SLC5A5: variants seen among roughly 807,000 people sequenced by gnomAD.
SLC5A5 encodes solute carrier family 5 member 5, also known as sodium/iodide cotransporter.
A neutral mutation model predicts 68.6 loss-of-function variants in SLC5A5; 56 were observed. The ratio of observed to expected loss-of-function variants is 0.82; its 90% confidence interval spans 0.66 to 1.02. The LOEUF (loss-of-function observed/expected upper bound fraction) is 1.02. Among genes scored for constraint, SLC5A5 ranks in the 50% least tolerant of loss-of-function variants. SLC5A5 has a pLI of 0.00. For synonymous variants in SLC5A5, 398 were observed against 373.0 expected, an observed-to-expected ratio of 1.07 and a Z score of -0.77; for missense variants, 807 against 859.8, an observed-to-expected ratio of 0.94 and a Z score of 0.77.
intron 4 of SLC5A5, 41 bp from the exon 5 acceptor site, chr19:17,875,911 C>T: frequency 6.2e-7 from 1 of 1,612,618 alleles, no homozygotes; most frequent in Non-Finnish European, 8.5e-7. Context: ...CCAGGTCCCC[C>T]ATCTAACCGC....
At chr19:17,880,532 C>T (rs200711674) in intron 7 of SLC5A5, among the ~76,000 whole-genome samples, 1 of 151,968 alleles carries the variant, frequency 6.6e-6, no homozygotes, top group South Asian at 2.1e-4. Context: ...TATCTTTACA[C>T]AAAAATTTAA....
At chr19:17,885,708 GA>G (rs2094331670) in intron 12 of SLC5A5, among the ~76,000 whole-genome samples, 1 of 151,974 alleles carries the variant, frequency 6.6e-6, no homozygotes, top group South Asian at 2.1e-4. Context: ...ACCCCAGAAA[GA>G]AGCCCTGTCC....
intron 7 of SLC5A5, among the ~76,000 whole-genome samples, chr19:17,878,431 G>A (rs2094312749): frequency 6.6e-6 from 1 of 152,032 alleles, no homozygotes; most frequent in Admixed American, 6.6e-5. Context: ...CTTGAACCCG[G>A]GAGGCGGAGG....
In SLC5A5 at chr19:17,877,946, G is replaced by A; in HGVS notation, c.840-18G>A. 1 of 1,613,720 alleles carries A rather than the reference G, an allele frequency of 6.2e-7. No individual in the cohort carries two copies. Among genetic ancestry groups the A allele is most frequent in the South Asian group, 1.1e-5 (1 of 91,086 alleles). Reference sequence around the variant, plus strand: ...GCCTGAGGCTATCCCCTAAGCCTGAGGCTGCCTCTTCCCCCAGGGCCCTGC... The same window carrying A: ...GCCTGAGGCTATCCCCTAAGCCTGAAGCTGCCTCTTCCCCCAGGGCCCTGC... On this transcript the variant is annotated intron_variant, in intron 6 of 14. Coordinates refer to ENST00000222248, the MANE Select transcript of SLC5A5 (RefSeq NM_000453.3).
At chr19:17,873,340 A>G (rs1278411462) in intron 1 of SLC5A5, among the ~76,000 whole-genome samples, 1 of 151,980 alleles carries the variant, frequency 6.6e-6, no homozygotes, top group Non-Finnish European at 1.5e-5. Flanking sequence ...GGGCACCTGT[A>G]ATCCCAGCTA....
At chr19:17,877,907 G>T in intron 6 of SLC5A5, 44 bp downstream of exon 6, 1 of 1,613,874 alleles carries the variant, frequency 6.2e-7, no homozygotes, top group South Asian at 1.1e-5. Context: ...GGGACATGCT[G>T]CCCCCCTCCA....
At chr19:17,891,380 GT>G (rs1441304268) in intron 14 of SLC5A5, among the ~76,000 whole-genome samples, 2 of 151,760 alleles carry the variant, frequency 1.3e-5, no homozygotes, top group African/African-American at 4.8e-5. Flanking sequence ...TAATTTTTAT[GT>G]TTTTAGTAGA....
In SLC5A5 at chr19:17,881,999, T is replaced by C. The variant is rs746747224; in HGVS notation, c.1098T>C (p.Thr366=). 5 of 1,614,074 alleles carry C rather than the reference T, an allele frequency of 3.1e-6. No individual in the cohort carries two copies. Among genetic ancestry groups the C allele is most frequent in the Non-Finnish European group, 3.4e-6 (4 of 1,180,038 alleles). The change falls in exon 9 of 15, where the codon ACT becomes ACC. Residue 366 remains threonine (T), a synonymous_variant. Coordinates refer to ENST00000222248, the MANE Select transcript of SLC5A5 (RefSeq NM_000453.3). ...GCATCAATGCTATGGCTGCAGTCACTGTAGAAGACCTCATCAAACCTCGGC... is the reference window on the plus strand; with the variant it reads ...GCATCAATGCTATGGCTGCAGTCACCGTAGAAGACCTCATCAAACCTCGGC... ...STSINAMAAV[T]VEDLIKPRLR...
intron 8 of SLC5A5, 141 bp downstream of exon 8, chr19:17,881,094 C>G (rs1229832588): frequency 8.2e-6 from 6 of 730,742 alleles, no homozygotes; most frequent in Non-Finnish European, 2.5e-6. Context: ...GAAGACAGCT[C>G]AGGTAGGCGC....
chr19:17,882,691 T>A (rs1249199672), intron 10 of SLC5A5, among the ~76,000 whole-genome samples: 1 of 151,162 alleles, frequency 6.6e-6, no homozygotes, highest in Non-Finnish European at 1.5e-5. Context: ...ATTTTTGTAT[T>A]TTTTTTTCTT....
At chr19:17,888,215 G>A (rs905335547) in intron 12 of SLC5A5, 116 bp from the exon 13 acceptor site, 28 of 1,255,196 alleles carry the variant, frequency 2.2e-5, no homozygotes, top group Non-Finnish European at 3.0e-5. Flanking sequence ...AGTAATGGAG[G>A]TCTGTGCTAG....
At position 17,872,238 on chromosome 19, in the gene SLC5A5, C is replaced by CCA; in HGVS notation, c.-82_-81insCA. ...CATCCTCCCACCCGCCCTCCCCGTC[C>CCA]TGCCTCCTCGGCCCCTGCCAGCTTC... On this transcript the variant is annotated 5_prime_UTR_variant, in exon 1 of 15. It adds an upstream start codon to the 5' untranslated region. Transcript: ENST00000222248. 2 of 755,374 alleles carry CCA rather than the reference C, an allele frequency of 2.6e-6. No homozygotes were observed. The highest frequency in any genetic ancestry group is 2.8e-5 in the East Asian group (1 of 36,302). The allele number at this position is 755,374 out of a possible 1,614,324, so 46.8% of individuals were successfully genotyped here. A position where few individuals can be genotyped will look rare whatever the true frequency, so the allele number is the denominator to read the frequency against.
rs1568419830 is a variant in SLC5A5, at chr19:17,876,109, G to A, written c.698+3G>A. The A allele has an allele frequency of 1.9e-6, 3 of 1,613,874 alleles. No homozygotes were observed. In the African/African-American group the frequency reaches 4.0e-5, roughly 22 times the overall value. ...CACTCCCGGATCAACCTCATGGAGT[G>A]AGTGAAAATGCAGAGGATACTCCAG... On this transcript the variant is annotated splice_donor_region_variant and intron_variant, in intron 5 of 14. Transcript: ENST00000222248.
At chr19:17,888,296 A>G (rs753893967) in intron 12 of SLC5A5, 35 bp from the exon 13 acceptor site, 1 of 1,612,666 alleles carries the variant, frequency 6.2e-7, no homozygotes, top group South Asian at 1.1e-5. Flanking sequence ...AGGGGATAAA[A>G]GAGGAGGTTC....
intron 13 of SLC5A5, 83 bp downstream of exon 13, chr19:17,888,538 A>G: frequency 1.3e-6 from 2 of 1,486,342 alleles, no homozygotes; most frequent in Non-Finnish European, 9.3e-7. Flanking sequence ...GAGGGGAGAA[A>G]GGACGCTCCC....
At position 17,872,560 on chromosome 19, in the gene SLC5A5, T is replaced by A. The variant is rs754041165; in HGVS notation, c.241T>A (p.Tyr81Asn). The change falls in exon 1 of 15, where the codon TAT becomes AAT. Residue 81 changes from tyrosine (Y) to asparagine (N), a missense_variant. By Grantham distance (143) the Tyr-to-Asn change is moderately radical. Coordinates refer to ENST00000222248, the MANE Select transcript of SLC5A5 (RefSeq NM_000453.3). ...GGTGCTGGGCGTGCCGTCGGAGGCC[T>A]ATCGCTATGGCCTCAAGTTCCTCTG... ...VQVLGVPSEAYRYGLKFLWMC... is the reference protein window; with the variant it reads ...VQVLGVPSEANRYGLKFLWMC... 1.2e-6 allele frequency: 2 copies of A among 1,612,066 alleles called. No homozygotes were observed. Among genetic ancestry groups the A allele is most frequent in the Non-Finnish European group, 1.7e-6 (2 of 1,179,116 alleles).
rs1178052953 is a variant in SLC5A5 at position 17,893,886 on chromosome 19, C to A, written c.*9C>A. On this transcript the variant is annotated 3_prime_UTR_variant, in exon 15 of 15. Transcript: ENST00000222248. ...AGGAGACAAACCTCTGAGGACAGGG[C>A]CAGCCGCGGGACTGACACCCTGGGA... 3 of 1,555,420 alleles carry A rather than the reference C, an allele frequency of 1.9e-6. No individual in the cohort carries two copies. In the Admixed American group the frequency reaches 5.8e-5, roughly 30 times the overall value.
intron 1 of SLC5A5, 74 bp downstream of exon 1, chr19:17,872,750 G>A: frequency 1.0e-6 from 1 of 989,580 alleles, no homozygotes; most frequent in African/African-American, 1.6e-5. Flanking sequence ...GAGGCGCTGG[G>A]GCTTTGGGCC....
chr19:17,879,627 G>A (rs1359092095), intron 7 of SLC5A5, among the ~76,000 whole-genome samples: 1 of 152,178 alleles, frequency 6.6e-6, no homozygotes, highest in Non-Finnish European at 1.5e-5. Context: ...TCTGACCATG[G>A]GGTTCAGAGT....
Sources: gnomAD v4.1 joint callset for allele counts (sites outside exome capture counted in the v4.1 genomes callset) on GRCh38, gnomAD v4.1.1 for gene constraint, MANE v1.5 for transcripts, NCBI Gene and HGNC (gene_info 2026-07-23, HGNC 2026-07-21) for gene names.